The following RIMBP2 variants were observed in gnomAD, a reference collection of about 807,000 sequenced individuals.
RIMBP2 encodes RIMS-binding protein 2.
In RIMBP2, 48 loss-of-function variants were observed where a neutral mutation model predicts 118.6. The ratio of observed to expected loss-of-function variants is 0.40; its 90% CI spans 0.32 to 0.51. The LOEUF is 0.51. Ranked by LOEUF, RIMBP2 falls within the 20% of genes least tolerant of loss-of-function variation. The probability of loss-of-function intolerance (pLI) is 0.41; values close to 1 mark genes in which losing one functional copy is unlikely to be tolerated. For synonymous variants in RIMBP2, 762 were observed against 742.9 expected (o/e 1.03, Z -0.42); for missense variants, 1,551 against 1,768.3 (o/e 0.88, Z 2.20).
chr12:130,481,101 GGGC>G (rs1443199353), intron 4 of RIMBP2, among the ~76,000 whole-genome samples: 3 of 149,876 alleles, frequency 2.0e-5, no homozygotes, highest in African/African-American at 7.3e-5. Flanking sequence ...TGAGGGCGGG[GGGC>G]ACCCAGGCTC....
intron 17 of RIMBP2, among the ~76,000 whole-genome samples, chr12:130,417,865 G>C (rs1365360380): frequency 1.1e-5 from 1 of 93,186 alleles, no homozygotes; most frequent in Non-Finnish European, 2.1e-5. Context: ...GAGAGAGAAT[G>C]GGAGGGGAGA....
rs573916362 is a variant in RIMBP2, at chr12:130,437,822, G to A, written c.1657-531C>T. 1.1e-4 allele frequency among the ~76,000 whole-genome samples: 16 copies of A among 152,304 alleles called. No homozygotes were observed. In the East Asian group the frequency reaches 1.2e-3, roughly 11 times the overall value. On this transcript the variant is annotated intron_variant, in intron 12 of 22. Coordinates refer to ENST00000690449, the MANE Select transcript of RIMBP2 (RefSeq NM_001393629.1). Reference sequence around the variant, plus strand: ...CAAGTCACCCCTGCTCCTGCAGGGCGGAGCTGGGGACGGTGAGGAGCAGCT... The same window carrying A: ...CAAGTCACCCCTGCTCCTGCAGGGCAGAGCTGGGGACGGTGAGGAGCAGCT...
At chr12:130,436,793 G>C (rs528601304) in intron 13 of RIMBP2, 49 bp downstream of exon 13, 33 of 1,329,104 alleles carry the variant, frequency 2.5e-5, no homozygotes, top group Non-Finnish European at 3.1e-5. Context: ...GCCCCGTCCC[G>C]TGGGGTTTGG....
intron 9 of RIMBP2, among the ~76,000 whole-genome samples, chr12:130,448,395 G>C (rs1438414406): frequency 6.6e-6 from 1 of 152,212 alleles, no homozygotes; most frequent in Non-Finnish European, 1.5e-5. Context: ...GGCCATCGTA[G>C]GTCGCATGTG....
In RIMBP2 at chr12:130,446,250, T is replaced by C. The variant is rs145126638; in HGVS notation, c.582-981A>G. ...AGTTGGAGAAGATAGCCAGACACTGTAATATTATAATTATGATATGAAAAT... is the reference window on the plus strand; with the variant it reads ...AGTTGGAGAAGATAGCCAGACACTGCAATATTATAATTATGATATGAAAAT... On this transcript the variant is annotated intron_variant, in intron 9 of 22. Coordinates refer to ENST00000690449, the MANE Select transcript of RIMBP2 (RefSeq NM_001393629.1). The surrounding 1 kb of genome is among the most constrained non-coding windows in gnomAD (Gnocchi z 4.1). 1.8e-4 allele frequency among the ~76,000 whole-genome samples: 27 copies of C among 152,328 alleles called. No individual in the cohort carries two copies. In the East Asian group the frequency reaches 4.4e-3, roughly 25 times the overall value.
At chr12:130,520,442 A>G (rs966074160) in intron 2 of RIMBP2, among the ~76,000 whole-genome samples, 5 of 152,158 alleles carry the variant, frequency 3.3e-5, no homozygotes, top group African/African-American at 1.2e-4. Flanking sequence ...AGGAGGGCAG[A>G]TCACCTGAGG....
intron 2 of RIMBP2, among the ~76,000 whole-genome samples, chr12:130,540,786 C>T (rs1282272524): frequency 1.3e-5 from 2 of 152,314 alleles, no homozygotes; most frequent in Middle Eastern, 3.4e-3. Context: ...TCTTCCCTGG[C>T]AATACTGACG....
Position 130,634,892 on chromosome 12 carries a change from C to T in RIMBP2, c.-351-6436G>A, listed in dbSNP as rs560610778. ...GGGATTACAGGCCTGAGCCACCACA[C>T]CCGGCTGACTCCACCTGTAAACAAA... On this transcript the variant is annotated intron_variant, in intron 1 of 22. Coordinates refer to ENST00000690449, the MANE Select transcript of RIMBP2 (RefSeq NM_001393629.1). 2.9e-4 allele frequency among the ~76,000 whole-genome samples: 44 copies of T among 152,320 alleles called. No individual in the cohort carries two copies. In the South Asian group the frequency reaches 8.9e-3, roughly 31 times the overall value.
chr12:130,587,019 G>T, intron 2 of RIMBP2, among the ~76,000 whole-genome samples: 1 of 98,128 alleles, frequency 1.0e-5, no homozygotes, highest in Admixed American at 1.2e-4. Context: ...GTGGGCGAAG[G>T]ACATGAACAG....
At chr12:130,536,207 T>C (rs1040959029) in intron 2 of RIMBP2, among the ~76,000 whole-genome samples, 1 of 152,108 alleles carries the variant, frequency 6.6e-6, no homozygotes, top group African/African-American at 2.4e-5. Context: ...CAGAGACAGA[T>C]AGGCAGGCGG....
chr12:130,418,403 C>A (rs1377178387), intron 17 of RIMBP2, among the ~76,000 whole-genome samples: 1 of 152,194 alleles, frequency 6.6e-6, no homozygotes, highest in East Asian at 1.9e-4. Context: ...CTACAACAGG[C>A]ACAGCTGTGC....
intron 3 of RIMBP2, among the ~76,000 whole-genome samples, chr12:130,513,687 G>T (rs1408680028): frequency 6.6e-6 from 1 of 152,326 alleles, no homozygotes; most frequent in East Asian, 1.9e-4. Context: ...CTGCCTAAGA[G>T]AATCCAATTC....
intron 21 of RIMBP2, among the ~76,000 whole-genome samples, chr12:130,403,879 AAGCAG>A (rs1286894358): frequency 4.6e-5 from 7 of 152,358 alleles, no homozygotes; most frequent in Admixed American, 2.0e-4. Flanking sequence ...GATGAAAAAT[AAGCAG>A]AGCAAACTAA....
At chr12:130,602,728 A>G (rs1023083236) in intron 2 of RIMBP2, among the ~76,000 whole-genome samples, 2 of 152,260 alleles carry the variant, frequency 1.3e-5, no homozygotes, top group African/African-American at 4.8e-5. Flanking sequence ...GAATTCGCCA[A>G]CGGTGGTTCT....
intron 4 of RIMBP2, among the ~76,000 whole-genome samples, chr12:130,486,877 G>A (rs1028365456): frequency 4.0e-5 from 6 of 149,682 alleles, no homozygotes; most frequent in African/African-American, 1.5e-4. Flanking sequence ...CCTCTCCCCT[G>A]GACCATAACC....
intron 6 of RIMBP2, among the ~76,000 whole-genome samples, chr12:130,466,761 T>C (rs2080514696): frequency 6.6e-6 from 1 of 152,236 alleles, no homozygotes. Flanking sequence ...AAATTGATCG[T>C]TTATCTTCAC....
At chr12:130,588,249 C>T (rs2059041204) in intron 2 of RIMBP2, among the ~76,000 whole-genome samples, 1 of 152,180 alleles carries the variant, frequency 6.6e-6, no homozygotes, top group Admixed American at 6.5e-5. Flanking sequence ...TATGAGTATT[C>T]CCCAACCCAC....
chr12:130,507,133 T>C (rs1157227275), intron 3 of RIMBP2, among the ~76,000 whole-genome samples: 1 of 152,178 alleles, frequency 6.6e-6, no homozygotes, highest in Admixed American at 6.5e-5. Context: ...GATCTTGCAC[T>C]TGTATAGGAA....
chr12:130,456,808 G>C lies in RIMBP2; in HGVS notation c.154-108C>G. Reference sequence around the variant, plus strand: ...GTGTGCACATGTGCACTGTGTGCACGTGTGTACACACGTGTTGTGTCTGTG... The same window carrying C: ...GTGTGCACATGTGCACTGTGTGCACCTGTGTACACACGTGTTGTGTCTGTG... On this transcript the variant is annotated intron_variant, in intron 6 of 22. Coordinates refer to ENST00000690449, the MANE Select transcript of RIMBP2 (RefSeq NM_001393629.1). 5.2e-6 allele frequency: 4 copies of C among 767,590 alleles called. No homozygotes were observed. The East Asian group carries it at 1.1e-4, about 21-fold the overall frequency. 47.5% of individuals were successfully genotyped at this position (767,590 alleles called of 1,614,324 possible). A position where few individuals can be genotyped will look rare whatever the true frequency, so the allele number is the denominator to read the frequency against.
Sources: allele counts gnomAD v4.1 joint callset (sites outside exome capture counted in the v4.1 genomes callset), GRCh38; gene constraint gnomAD v4.1.1; non-coding constraint Gnocchi (gnomAD v3.1); transcripts MANE v1.5; gene names NCBI Gene and HGNC (gene_info 2026-07-23, HGNC 2026-07-21).